NOS1AP: variants seen among roughly 807,000 people sequenced by gnomAD.
The protein encoded by NOS1AP is nitric oxide synthase 1 adaptor protein, also known as carboxyl-terminal PDZ ligand of neuronal nitric oxide synthase protein.
NOS1AP carries 21 observed loss-of-function variants against 56.2 expected under a neutral mutation model. The observed-to-expected ratio is 0.37, with a 90% CI of 0.26 to 0.54. The LOEUF (loss-of-function observed/expected upper bound fraction) is 0.54. Among genes scored for constraint, NOS1AP ranks in the 20% least tolerant of loss-of-function variants. The probability of loss-of-function intolerance (pLI) is 0.84; values close to 1 mark genes in which losing one functional copy is unlikely to be tolerated. For missense variants in NOS1AP, 522 were observed against 657.8 expected (o/e 0.79, Z 2.26); for synonymous variants, 270 against 274.6 (o/e 0.98, Z 0.17).
intron 2 of NOS1AP, among the ~76,000 whole-genome samples, chr1:162,275,168 G>C (rs970325731): frequency 6.6e-6 from 1 of 151,922 alleles, no homozygotes; most frequent in Non-Finnish European, 1.5e-5. Context: ...TTTTGTTGTC[G>C]TTGTTGTTTC....
intron 4 of NOS1AP, among the ~76,000 whole-genome samples, chr1:162,330,832 A>G (rs961717145): frequency 3.9e-5 from 6 of 152,206 alleles, no homozygotes; most frequent in Non-Finnish European, 8.8e-5. Context: ...TTGGAGTTGA[A>G]GAGAAAAACA....
At chr1:162,098,879 T>G (rs1413412612) in intron 1 of NOS1AP, among the ~76,000 whole-genome samples, 3 of 152,264 alleles carry the variant, frequency 2.0e-5, no homozygotes, top group African/African-American at 7.2e-5. Context: ...TCCCATGGTG[T>G]ATCTGTACCA....
In NOS1AP at chr1:162,300,720, C is replaced by T; in HGVS notation, c.344+14C>T. 6.2e-7 allele frequency: 1 copy of T among 1,612,908 alleles called. No homozygotes were observed. The highest frequency in any genetic ancestry group is 1.3e-5 in the African/African-American group (1 of 74,976). ...CCCCATCTACAGGTAAGAGCCCAGT[C>T]CAGCACCCAAGATATCACTGAGCCC... On this transcript the variant is annotated intron_variant, in intron 4 of 9. Coordinates refer to ENST00000361897, the MANE Select transcript of NOS1AP (RefSeq NM_014697.3).
chr1:162,082,159 G>T (rs1202873662), intron 1 of NOS1AP, among the ~76,000 whole-genome samples: 1 of 149,614 alleles, frequency 6.7e-6, no homozygotes, highest in Admixed American at 6.8e-5. Flanking sequence ...TCATCATTTA[G>T]CTCCCACTTA....
intron 2 of NOS1AP, among the ~76,000 whole-genome samples, chr1:162,202,175 G>A (rs1652014744): frequency 6.6e-6 from 1 of 152,118 alleles, no homozygotes; most frequent in Admixed American, 6.5e-5. Flanking sequence ...TGTTTTATAT[G>A]AAGAAGAAGA....
At chr1:162,100,218 A>G (rs1692351212) in intron 1 of NOS1AP, among the ~76,000 whole-genome samples, 1 of 152,082 alleles carries the variant, frequency 6.6e-6, no homozygotes, top group Admixed American at 6.5e-5. Context: ...ACTGACTTCC[A>G]CAATGGTTGA....
At chr1:162,249,114 C>T (rs1158186346) in intron 2 of NOS1AP, among the ~76,000 whole-genome samples, 1 of 152,114 alleles carries the variant, frequency 6.6e-6, no homozygotes, top group Admixed American at 6.6e-5. Flanking sequence ...GGGGTTTGGC[C>T]ACTGCAGTTT....
intron 1 of NOS1AP, among the ~76,000 whole-genome samples, chr1:162,089,635 T>C (rs1009459750): frequency 5.9e-5 from 9 of 152,182 alleles, no homozygotes; most frequent in Non-Finnish European, 8.8e-5. Context: ...ATTATCTGGG[T>C]GGGCTTTAAA....
chr1:162,278,487 G>T (rs200071375), intron 2 of NOS1AP, among the ~76,000 whole-genome samples: 1 of 152,112 alleles, frequency 6.6e-6, no homozygotes, highest in Non-Finnish European at 1.5e-5. Flanking sequence ...ATAGTGAGAG[G>T]TGCTGGGAGG....
At chr1:162,233,336 T>A (rs1050850040) in intron 2 of NOS1AP, among the ~76,000 whole-genome samples, 3 of 152,036 alleles carry the variant, frequency 2.0e-5, no homozygotes, top group Non-Finnish European at 4.4e-5. Flanking sequence ...GCTGGCGGGG[T>A]AGTTGTACTG....
chr1:162,094,689 T>A (rs1692199320), intron 1 of NOS1AP, among the ~76,000 whole-genome samples: 1 of 152,222 alleles, frequency 6.6e-6, no homozygotes, highest in Admixed American at 6.5e-5. Context: ...TTGTTGAAGC[T>A]CTGTCTTGAG....
At chr1:162,120,811 A>G (rs1297668141) in intron 1 of NOS1AP, among the ~76,000 whole-genome samples, 1 of 152,080 alleles carries the variant, frequency 6.6e-6, no homozygotes, top group Non-Finnish European at 1.5e-5. Flanking sequence ...ATTCTTTTAG[A>G]TTTTTTCCCT....
chr1:162,335,597 GT>G (rs1656912914), intron 5 of NOS1AP, among the ~76,000 whole-genome samples: 1 of 152,216 alleles, frequency 6.6e-6, no homozygotes, highest in Non-Finnish European at 1.5e-5. Context: ...TAGAGGACAT[GT>G]GTGTTGCAGA....
rs1271249246 is a variant in NOS1AP, at chr1:162,121,163, TTTTTTTG to T, written c.106-33228_106-33222del. Among the ~76,000 whole-genome samples the T allele has an allele frequency of 3.0e-4, 46 of 151,808 alleles. No individual in the cohort carries two copies. The East Asian group carries it at 8.3e-3, about 27-fold the overall frequency. ...ATCACTTCAGACTTGGAGAGAATTT[TTTTTTTG>T]TTTTTTGTTTTTTTTTTGGAGACAA... is the stretch of plus-strand genomic sequence containing the variant. On this transcript the variant is annotated intron_variant, in intron 1 of 9. Transcript: ENST00000361897.
intron 4 of NOS1AP, among the ~76,000 whole-genome samples, chr1:162,302,891 T>C (rs920303521): frequency 2.0e-5 from 3 of 152,182 alleles, no homozygotes; most frequent in Admixed American, 1.3e-4. Flanking sequence ...TTTCTAGAAT[T>C]TTGTGTAAAT....
At chr1:162,287,659 G>A (rs1216650094) in intron 3 of NOS1AP, among the ~76,000 whole-genome samples, 1 of 152,130 alleles carries the variant, frequency 6.6e-6, no homozygotes, top group Non-Finnish European at 1.5e-5. Context: ...GGTACCCCAG[G>A]TGATGGGAGT....
intron 2 of NOS1AP, among the ~76,000 whole-genome samples, chr1:162,182,974 C>T (rs1298603984): frequency 6.6e-6 from 1 of 152,184 alleles, no homozygotes; most frequent in East Asian, 1.9e-4. Context: ...CTAATGGCAT[C>T]CAGAATGATT....
chr1:162,310,951 A>G (rs1656007015), intron 4 of NOS1AP, among the ~76,000 whole-genome samples: 1 of 151,894 alleles, frequency 6.6e-6, no homozygotes, highest in African/African-American at 2.4e-5. Context: ...GCTGTGAACT[A>G]TGCTCTGTCT....
chr1:162,359,919 A>G (rs1255398576), intron 8 of NOS1AP, among the ~76,000 whole-genome samples: 1 of 152,042 alleles, frequency 6.6e-6, no homozygotes, highest in African/African-American at 2.4e-5. Context: ...AAATCCTCCT[A>G]TGTTGTTCCT....
Sources: allele counts gnomAD v4.1 joint callset (sites outside exome capture counted in the v4.1 genomes callset), GRCh38; gene constraint gnomAD v4.1.1; transcripts MANE v1.5; gene names NCBI Gene and HGNC (gene_info 2026-07-23, HGNC 2026-07-21).